TUBA1C: variants seen among roughly 807,000 people sequenced by gnomAD.
TUBA1C encodes tubulin alpha 1c.
In TUBA1C, 16 loss-of-function variants were observed where a neutral mutation model predicts 34.9. That is an observed-to-expected ratio of 0.46 (90% CI 0.31 to 0.70). TUBA1C has a LOEUF of 0.70. Ranked by LOEUF, TUBA1C falls within the 30% of genes least tolerant of loss-of-function variation. The pLI is 0.05. For missense variants in TUBA1C, 329 were observed against 587.3 expected, an observed-to-expected ratio of 0.56 and a Z score of 4.55; for synonymous variants, 177 against 215.9, an observed-to-expected ratio of 0.82 and a Z score of 1.58.
intron 1 of TUBA1C, among the ~76,000 whole-genome samples, chr12:49,259,879 G>A (rs1942825416): frequency 6.6e-6 from 1 of 152,170 alleles, no homozygotes; most frequent in African/African-American, 2.4e-5. Flanking sequence ...GAGGCAGGTG[G>A]AGATGCAGAA....
At chr12:49,266,501 G>A (rs1243506464) in intron 1 of TUBA1C, among the ~76,000 whole-genome samples, 2 of 152,078 alleles carry the variant, frequency 1.3e-5, no homozygotes, top group African/African-American at 2.4e-5. Context: ...TTCAAGAAAC[G>A]TGAAATTATA....
chr12:49,251,075 C>CACAT (rs1464718144), intron 1 of TUBA1C, among the ~76,000 whole-genome samples: 1 of 151,998 alleles, frequency 6.6e-6, no homozygotes. Context: ...GGTGGGGTGG[C>CACAT]ACATACCTAT....
chr12:49,263,269 G>T (rs991457755), upstream of TUBA1C, among the ~76,000 whole-genome samples: 1 of 151,982 alleles, frequency 6.6e-6, no homozygotes, highest in Non-Finnish European at 1.5e-5. Context: ...TGATCCGCCC[G>T]CCTCCCAAAG....
chr12:49,233,190 G>C (rs1942514853), intron 1 of TUBA1C: 1 of 152,346 alleles, frequency 6.6e-6, no homozygotes, highest in African/African-American at 2.4e-5. Context: ...TCAGCAGCCT[G>C]GGGAATGTGG....
rs549083518 is a variant in TUBA1C, at chr12:49,256,521, G to T, written c.214-12944G>T. On this transcript the variant is annotated intron_variant, in intron 1 of 3. Transcript: ENST00000541364. ...ATCACCCATTTACAAGGTCAGTGGG[G>T]ACTGAAACTGACCAAAACAGAGAAC... The T allele has an allele frequency of 1.7e-5, 7 of 420,260 alleles. 1 individual carries two copies. The highest frequency in any genetic ancestry group is 1.2e-4 in the South Asian group (7 of 59,240). 26.0% of individuals were successfully genotyped at this position (420,260 alleles called of 1,614,324 possible).
At chr12:49,261,189 C>T (rs894783987), upstream of TUBA1C, among the ~76,000 whole-genome samples, 2 of 151,450 alleles carry the variant, frequency 1.3e-5, no homozygotes, top group African/African-American at 2.4e-5. Context: ...AAGATAGCGC[C>T]ATTGCACTCC....
At chr12:49,256,374 TTTC>T (rs755321061) in intron 1 of TUBA1C, 27 of 443,226 alleles carry the variant, frequency 6.1e-5, no homozygotes, top group South Asian at 4.2e-4. Context: ...ACAAAAATTA[TTTC>T]TTCTTTTTCT....
chr12:49,248,147 C>T (rs1942692897), intron 1 of TUBA1C, among the ~76,000 whole-genome samples: 2 of 151,612 alleles, frequency 1.3e-5, no homozygotes, highest in Non-Finnish European at 2.9e-5. Context: ...TGGTGGCACA[C>T]GCCTGTAGTC....
At chr12:49,266,315 A>AGCTACTC (rs1414299982) in intron 1 of TUBA1C, among the ~76,000 whole-genome samples, 1 of 150,692 alleles carries the variant, frequency 6.6e-6, no homozygotes, top group African/African-American at 2.4e-5. Flanking sequence ...TTGTAGTCTC[A>AGCTACTC]GCTACTCGGG....
chr12:49,254,260 A>G (rs1942760240), intron 1 of TUBA1C, among the ~76,000 whole-genome samples: 1 of 152,134 alleles, frequency 6.6e-6, no homozygotes, highest in East Asian at 1.9e-4. Context: ...GCGGTGAGCC[A>G]AGATCATGCC....
At chr12:49,265,291 A>C in intron 1 of TUBA1C, 107 bp downstream of exon 1, 1 of 850,318 alleles carries the variant, frequency 1.2e-6, no homozygotes. Flanking sequence ...GCTCCAGACT[A>C]CCCCGGGCCC....
At chr12:49,235,234 G>T (rs1942541156) in intron 1 of TUBA1C, among the ~76,000 whole-genome samples, 1 of 151,024 alleles carries the variant, frequency 6.6e-6, no homozygotes, top group Non-Finnish European at 1.5e-5. Context: ...AGGCAGTATA[G>T]GTTGAAAATT....
At chr12:49,267,167 C>G (rs545066157) in intron 1 of TUBA1C, among the ~76,000 whole-genome samples, 2 of 152,310 alleles carry the variant, frequency 1.3e-5, no homozygotes, top group East Asian at 3.9e-4. Context: ...TGCTAAGCTT[C>G]AAGAAGGCAG....
Position 49,273,006 on chromosome 12 carries a change from A to G in TUBA1C, c.1129A>G (p.Met377Val). ...GGCCAAGGTACAGAGAGCTGTGTGC[A>G]TGCTGAGCAATACCACAGCTGTTGC... is the stretch of plus-strand genomic sequence containing the variant. ...DLAKVQRAVC[M>V]LSNTTAVAEA... The change falls in exon 4 of 4, where the codon ATG becomes GTG. Residue 377 changes from methionine to valine, a missense_variant. Physicochemically the swap from Met to Val is conservative, Grantham distance 21 (BLOSUM62 1). This residue lies in a region of TUBA1C where 140 missense variants were observed against 289.8 expected (regional missense o/e 0.48). Transcript: ENST00000301072. The G allele has an allele frequency of 6.2e-7, 1 of 1,614,250 alleles. No homozygotes were observed. Among genetic ancestry groups the G allele is most frequent in the Non-Finnish European group, 8.5e-7 (1 of 1,180,048 alleles).
intron 1 of TUBA1C, among the ~76,000 whole-genome samples, chr12:49,255,303 T>A (rs998292726): frequency 6.6e-6 from 1 of 151,968 alleles, no homozygotes; most frequent in Non-Finnish European, 1.5e-5. Flanking sequence ...TGCTTTTCCC[T>A]TTGTATTTTA....
chr12:49,256,418 C>T, intron 1 of TUBA1C: 1 of 455,370 alleles, frequency 2.2e-6, no homozygotes, highest in Non-Finnish European at 4.4e-6. Flanking sequence ...AGCTCTGTCC[C>T]TTGGGTTCCG....
rs558915514 is a variant in TUBA1C at position 49,254,945 on chromosome 12, TA to T, written c.214-14519del. Among the ~76,000 whole-genome samples, 525 of 152,026 alleles carry T rather than the reference TA, an allele frequency of 3.5e-3. 3 individuals carry two copies. The highest frequency in any genetic ancestry group is 5.2e-3 in the Non-Finnish European group (354 of 67,960). On this transcript the variant is annotated intron_variant, in intron 1 of 3. Transcript: ENST00000541364. ...ACTTGGTGCAGAGGCAAAACACATA[TA>T]TTTTTTTTTTATTTTTTAAGTAGAA...
At chr12:49,258,958 C>T (rs564873204) in intron 1 of TUBA1C, among the ~76,000 whole-genome samples, 2 of 151,974 alleles carry the variant, frequency 1.3e-5, no homozygotes, top group East Asian at 1.9e-4. Flanking sequence ...GGGGTTTCTC[C>T]GTGTTGGTCA....
chr12:49,248,405 C>CA (rs2137000249), intron 1 of TUBA1C, among the ~76,000 whole-genome samples: 1 of 151,182 alleles, frequency 6.6e-6, no homozygotes, highest in South Asian at 2.1e-4. Context: ...CCCGTCTCTA[C>CA]AAAAAATACA....
Sources: allele counts gnomAD v4.1 joint callset (sites outside exome capture counted in the v4.1 genomes callset), GRCh38; gene constraint gnomAD v4.1.1; regional missense constraint gnomAD v4.1.1; transcripts MANE v1.5; gene names NCBI Gene and HGNC (gene_info 2026-07-23, HGNC 2026-07-21).